Variants in ATMIN observed in about 807,000 individuals in gnomAD.
ATMIN encodes the protein ATM INteracting protein.
Under a neutral mutation model 49.2 loss-of-function variants are expected in ATMIN, and 24 were observed. That is an observed-to-expected ratio of 0.49 (90% CI 0.35 to 0.69). The LOEUF (loss-of-function observed/expected upper bound fraction) is 0.69. Ranked by LOEUF, ATMIN falls within the 30% of genes least tolerant of loss-of-function variation. ATMIN has a pLI of 0.00. For synonymous variants in ATMIN, 450 were observed against 392.5 expected, an observed-to-expected ratio of 1.15 and a Z score of -1.73; for missense variants, 1,037 against 1,005.5, an observed-to-expected ratio of 1.03 and a Z score of -0.42.
chr16:81,037,394 T>G (rs1437479737), intron 1 of ATMIN: 3 of 985,298 alleles, frequency 3.0e-6, no homozygotes, highest in Non-Finnish European at 3.6e-6. Context: ...TGAAGAGTGA[T>G]CTGCTCTTAC....
At position 81,043,159 on chromosome 16, in the gene ATMIN, A is replaced by G; in HGVS notation, c.663-2A>G. 6.3e-7 allele frequency: 1 copy of G among 1,589,380 alleles called. No individual in the cohort carries two copies. Among genetic ancestry groups the G allele is most frequent in the Non-Finnish European group, 8.5e-7 (1 of 1,172,270 alleles). ...TTCTTTTTGCTCTGTCATTGTTTTCAGGGACCCACCTAGTAAGAAAAGGAA... is the reference window on the plus strand; with the variant it reads ...TTCTTTTTGCTCTGTCATTGTTTTCGGGGACCCACCTAGTAAGAAAAGGAA... On this transcript the variant is annotated splice_acceptor_variant, in intron 3 of 3. Transcript: ENST00000299575. LOFTEE classifies it high-confidence loss of function.
chr16:81,043,844 C>T lies in ATMIN; in HGVS notation c.1346C>T (p.Ser449Phe). ...SCSQTDLSFD[S>F]QVSLPISVHT... ...TCTCAAACTGATTTGTCGTTTGATT[C>T]TCAAGTGTCTCTTCCCATTAGTGTT... The change falls in exon 4 of 4, where the codon TCT (serine) becomes TTT (phenylalanine). Residue 449 changes from serine (S) to phenylalanine (F), a missense_variant. Ser to Phe is a radical substitution (Grantham distance 155). Transcript: ENST00000299575. 1 of 1,614,180 alleles carries T rather than the reference C, an allele frequency of 6.2e-7. No individual in the cohort carries two copies.
intron 1 of ATMIN, chr16:81,037,379 G>A (rs1970957279): frequency 2.0e-6 from 2 of 985,386 alleles, no homozygotes; most frequent in East Asian, 2.3e-4. Flanking sequence ...CAGATGTGTC[G>A]CCAATGAAGA....
At chr16:81,041,260 TC>T (rs2151739214) in intron 1 of ATMIN, 95 bp from the exon 2 acceptor site, 1 of 1,348,122 alleles carries the variant, frequency 7.4e-7, no homozygotes, top group East Asian at 2.3e-5. Flanking sequence ...TAAAAGTATT[TC>T]ACAAAATGTG....
Position 81,046,075 on chromosome 16 carries a change from C to T in ATMIN, c.*1105C>T, listed in dbSNP as rs913480552. 5.3e-5 allele frequency: 8 copies of T among 151,882 alleles called. No individual in the cohort carries two copies. The highest frequency in any genetic ancestry group is 2.1e-4 in the South Asian group (1 of 4,814). The allele number at this position is 151,882 out of a possible 1,614,324, so 9.4% of individuals were successfully genotyped here. On this transcript the variant is annotated 3_prime_UTR_variant, in exon 4 of 4. Coordinates refer to ENST00000299575, the MANE Select transcript of ATMIN (RefSeq NM_015251.3). Reference sequence around the variant, plus strand: ...CCTTGGGAACAGGGAGTTATGGAAACATGCCTATGACTTCATCTTGGGGTG... The same window carrying T: ...CCTTGGGAACAGGGAGTTATGGAAATATGCCTATGACTTCATCTTGGGGTG...
At chr16:81,036,870 TA>T (rs1017557141) in intron 1 of ATMIN, among the ~76,000 whole-genome samples, 1 of 152,128 alleles carries the variant, frequency 6.6e-6, no homozygotes, top group Non-Finnish European at 1.5e-5. Context: ...CGATTATGAA[TA>T]AAAAAATGTT....
chr16:81,044,146 A>G lies in ATMIN; in HGVS notation c.1648A>G (p.Asn550Asp), dbSNP rs1971081662. Residue 550 changes from asparagine to aspartate, a missense_variant, in exon 4 of 4, where the codon AAT (asparagine) becomes GAT (aspartate). Asn to Asp is a conservative substitution (Grantham distance 23). Coordinates refer to ENST00000299575, the MANE Select transcript of ATMIN (RefSeq NM_015251.3). ...AGTAACTCATAGTTTGTTACCTCAG[A>G]ATGAGCCTAAGACTTTAAATCAAGA... ...ETVTHSLLPQ[N>D]EPKTLNQDIE... The G allele has an allele frequency of 6.2e-7, 1 of 1,614,234 alleles. No homozygotes were observed. The highest frequency in any genetic ancestry group is 1.3e-5 in the African/African-American group (1 of 75,072).
intron 3 of ATMIN, 90 bp downstream of exon 3, chr16:81,042,570 A>G (rs1322546635): frequency 7.6e-7 from 1 of 1,323,404 alleles, no homozygotes; most frequent in East Asian, 2.5e-5. Context: ...TGTGGGGAGG[A>G]AAAAGGAATC....
rs1279685482 is a variant in ATMIN, at chr16:81,045,987, A to G, written c.*1017A>G. ...GGCAAGACCCTATCTCAAAAAAAAA[A>G]AAAGTCGCCAGCAACAAGCACGTAG... On this transcript the variant is annotated 3_prime_UTR_variant, in exon 4 of 4. Transcript: ENST00000299575. The G allele has an allele frequency of 2.6e-5, 4 of 151,664 alleles. No individual in the cohort carries two copies. Among genetic ancestry groups the G allele is most frequent in the African/African-American group, 9.7e-5 (4 of 41,420 alleles). 9.4% of individuals were successfully genotyped at this position (151,664 alleles called of 1,614,324 possible).
intron 1 of ATMIN, among the ~76,000 whole-genome samples, chr16:81,037,739 A>G (rs1303772384): frequency 6.6e-6 from 1 of 151,472 alleles, no homozygotes; most frequent in African/African-American, 2.4e-5. Flanking sequence ...GGGTTCAAGC[A>G]GTTCTCCTGC....
At position 81,043,350 on chromosome 16, in the gene ATMIN, T is replaced by C; in HGVS notation, c.852T>C (p.Leu284=). ...GCTCTAACACTGACAAGCAGACTCT[T>C]ACAACACCACCGAGATATCCTCAGA... The part of the protein sequence containing the change: ...SCGSNTDKQT[L]TTPPRYPQKL... The change falls in exon 4 of 4, where the codon CTT becomes CTC. Residue 284 remains leucine (L), a synonymous_variant. Transcript: ENST00000299575. 1 of 1,609,352 alleles carries C rather than the reference T, an allele frequency of 6.2e-7. No homozygotes were observed. The highest frequency in any genetic ancestry group is 8.5e-7 in the Non-Finnish European group (1 of 1,178,218).
At position 81,044,900 on chromosome 16, in the gene ATMIN, C is replaced by A. The variant is rs757797840; in HGVS notation, c.2402C>A (p.Thr801Lys). The change falls in exon 4 of 4, where the codon ACG (threonine) becomes AAG (lysine). Residue 801 changes from threonine to lysine, a missense_variant. Physicochemically the swap from Thr to Lys is moderately conservative, Grantham distance 78. Coordinates refer to ENST00000299575, the MANE Select transcript of ATMIN (RefSeq NM_015251.3). ...DFLLADLAWN[T>K]MESQFSSVET... ...CTTCTGGCTGATCTGGCCTGGAACA[C>A]GATGGAGTCTCAGTTCAGCTCTGTA... is the stretch of plus-strand genomic sequence containing the variant. 1 of 1,614,108 alleles carries A rather than the reference C, an allele frequency of 6.2e-7. No individual in the cohort carries two copies. Among genetic ancestry groups the A allele is most frequent in the East Asian group, 2.2e-5 (1 of 44,886 alleles).
At chr16:81,042,202 A>T (rs566974487) in intron 2 of ATMIN, 79 bp from the exon 3 acceptor site, 15 of 1,185,498 alleles carry the variant, frequency 1.3e-5, no homozygotes, top group East Asian at 4.7e-5. Flanking sequence ...AATCATTATT[A>T]ATTTGGGTGT....
Position 81,036,142 on chromosome 16 carries a change from G to T in ATMIN, c.272G>T (p.Cys91Phe). The T allele has an allele frequency of 6.8e-7, 1 of 1,469,472 alleles. No individual in the cohort carries two copies. Among genetic ancestry groups the T allele is most frequent in the Non-Finnish European group, 9.1e-7 (1 of 1,103,588 alleles). 91.0% of individuals were successfully genotyped at this position (1,469,472 alleles called of 1,614,324 possible). The change falls in exon 1 of 4, where the codon TGC becomes TTC. Residue 91 changes from cysteine (C) to phenylalanine (F), a missense_variant. Cys to Phe is a radical substitution (Grantham distance 205). Coordinates refer to ENST00000299575, the MANE Select transcript of ATMIN (RefSeq NM_015251.3). The part of the protein sequence containing the change: ...RTNILCTVRG[C>F]GKILPNSPAL... ...AACATCCTGTGCACCGTGCGCGGCT[G>T]CGGCAAGATCCTGCCCAACAGCCCC...
At position 81,043,354 on chromosome 16, in the gene ATMIN, A is replaced by C. The variant is rs147897268; in HGVS notation, c.856A>C (p.Thr286Pro). The change falls in exon 4 of 4, where the codon ACA (threonine) becomes CCA (proline). Residue 286 changes from threonine (T) to proline (P), a missense_variant. By Grantham distance (38) the Thr-to-Pro change is conservative. Coordinates refer to ENST00000299575, the MANE Select transcript of ATMIN (RefSeq NM_015251.3). ...TAACACTGACAAGCAGACTCTTACA[A>C]CACCACCGAGATATCCTCAGAAGTT... is the stretch of plus-strand genomic sequence containing the variant. ...GSNTDKQTLT[T>P]PPRYPQKLLL... The C allele has an allele frequency of 1.2e-4, 196 of 1,597,016 alleles. 1 individual carries two copies. The East Asian group carries it at 3.5e-3, about 29-fold the overall frequency.
intron 1 of ATMIN, chr16:81,037,495 G>A: frequency 1.0e-6 from 1 of 985,476 alleles, no homozygotes; most frequent in Non-Finnish European, 1.2e-6. Context: ...GGAAGACCGT[G>A]CAGGTGGGGC....
At chr16:81,038,140 G>A (rs1040794879) in intron 1 of ATMIN, among the ~76,000 whole-genome samples, 6 of 150,814 alleles carry the variant, frequency 4.0e-5, no homozygotes. Flanking sequence ...GGTTTTTTTT[G>A]TTTTGTTTGA....
chr16:81,046,950 T>C lies in ATMIN; in HGVS notation c.*1980T>C, dbSNP rs1190016606. On this transcript the variant is annotated 3_prime_UTR_variant, in exon 4 of 4. Transcript: ENST00000299575. ...TCAAAAGAAACATAAAGCCTTAACTTAGAATTTCATTATGTTTTAGAATCA... is the reference window on the plus strand; with the variant it reads ...TCAAAAGAAACATAAAGCCTTAACTCAGAATTTCATTATGTTTTAGAATCA... The C allele has an allele frequency of 1.3e-5, 2 of 152,652 alleles. No individual in the cohort carries two copies. Among genetic ancestry groups the C allele is most frequent in the Non-Finnish European group, 2.9e-5 (2 of 68,038 alleles). 9.5% of individuals were successfully genotyped at this position (152,652 alleles called of 1,614,324 possible).
rs115484651 is a variant in ATMIN at position 81,036,237 on chromosome 16, G to T, written c.336+31G>T. On this transcript the variant is annotated intron_variant, in intron 1 of 3. Transcript: ENST00000299575. Reference sequence around the variant, plus strand: ...CCCGACGCGGCCGGCGGCCCGGGGGGCCGGGCCTGGCTCCAACAAAGCGCC... The same window carrying T: ...CCCGACGCGGCCGGCGGCCCGGGGGTCCGGGCCTGGCTCCAACAAAGCGCC... 8.1e-3 allele frequency: 10,922 copies of T among 1,344,002 alleles called. 576 individuals carry two copies. The African/African-American group carries it at 0.12, about 15-fold the overall frequency. 83.3% of individuals were successfully genotyped at this position (1,344,002 alleles called of 1,614,324 possible). A position where few individuals can be genotyped will look rare whatever the true frequency, so the allele number is the denominator to read the frequency against.
Sources: gnomAD v4.1 joint callset for allele counts (sites outside exome capture counted in the v4.1 genomes callset) on GRCh38, gnomAD v4.1.1 for gene constraint, MANE v1.5 for transcripts, NCBI Gene and HGNC (gene_info 2026-07-23, HGNC 2026-07-21) for gene names.